The following PSG3 variants were observed in gnomAD, a reference collection of about 807,000 sequenced individuals.
The protein encoded by PSG3 is pregnancy specific beta-1-glycoprotein 3.
Under a neutral mutation model 47.5 loss-of-function variants are expected in PSG3, and 61 were observed. The observed-to-expected ratio is 1.28, with a 90% CI of 1.05 to 1.59. The LOEUF (loss-of-function observed/expected upper bound fraction) is 1.59, where lower values mean the gene tolerates loss of function less well. PSG3 is among the 40% of genes most tolerant of loss of function. The pLI, the probability that PSG3 is intolerant of heterozygous loss-of-function variation, is 0.00. For missense variants in PSG3, 756 were observed against 524.0 expected (o/e 1.44, Z -4.32); for synonymous variants, 263 against 198.4 (o/e 1.33, Z -2.74).
chr19:42,739,171 C>G (rs1438754481), intron 1 of PSG3, 82 bp from the exon 2 acceptor site: 1 of 1,470,890 alleles, frequency 6.8e-7, no homozygotes, highest in Non-Finnish European at 9.2e-7. Context: ...CTGAGAAGGT[C>G]TCTTCAATCC....
At chr19:42,728,601 A>T (rs1463711016) in intron 5 of PSG3, among the ~76,000 whole-genome samples, 4 of 152,218 alleles carry the variant, frequency 2.6e-5, no homozygotes, top group African/African-American at 9.6e-5. Flanking sequence ...GGTCCCACCC[A>T]GGTGGAGTCA....
rs779492458 is a variant in PSG3 at position 42,729,205 on chromosome 19, C to A, written c.1161G>T (p.Lys387Asn). ...QKLFIPQITT[K>N]HSGLYACSVR... ...CAGAGCAAGCATAGAGCCCGCTATG[C>A]TTTGTAGTAATCTGGGGGATAAAGA... The change falls in exon 5 of 7, where the codon AAG (lysine) becomes AAT (asparagine). Residue 387 changes from lysine (K) to asparagine (N), a missense_variant. Transcript: ENST00000327495. 6.2e-6 allele frequency: 10 copies of A among 1,613,862 alleles called. No individual in the cohort carries two copies. Among genetic ancestry groups the A allele is most frequent in the South Asian group, 1.1e-5 (1 of 91,086 alleles).
intron 2 of PSG3, among the ~76,000 whole-genome samples, chr19:42,735,920 C>T (rs977023870): frequency 2.8e-4 from 42 of 152,296 alleles, no homozygotes; most frequent in East Asian, 5.8e-4. Context: ...GCTAAGATTA[C>T]AACAGTGACA....
rs868841229 is a variant in PSG3, at chr19:42,733,122, T to C, written c.431-60A>G. 1.3e-5 allele frequency: 21 copies of C among 1,569,222 alleles called. No individual in the cohort carries two copies. In the African/African-American group the frequency reaches 1.6e-4, roughly 12 times the overall value. On this transcript the variant is annotated intron_variant, in intron 2 of 6. Transcript: ENST00000327495. ...GGCACCTTTGATTCCTCCAAAGGCA[T>C]TTTTCAATCAGAGTTGGCATTTCCC... is the stretch of plus-strand genomic sequence containing the variant.
chr19:42,737,243 G>A (rs1410490423), intron 2 of PSG3, among the ~76,000 whole-genome samples: 3 of 152,186 alleles, frequency 2.0e-5, no homozygotes, highest in Non-Finnish European at 4.4e-5. Flanking sequence ...GTGGGTGTCA[G>A]CCTCTGAAGG....
At chr19:42,737,251 A>C (rs535744135) in intron 2 of PSG3, among the ~76,000 whole-genome samples, 1 of 152,318 alleles carries the variant, frequency 6.6e-6, no homozygotes, top group South Asian at 2.1e-4. Flanking sequence ...CAGCCTCTGA[A>C]GGACAAGGGA....
At chr19:42,724,459 C>T (rs1969343779) in intron 5 of PSG3, among the ~76,000 whole-genome samples, 1 of 152,180 alleles carries the variant, frequency 6.6e-6, no homozygotes, top group Admixed American at 6.5e-5. Flanking sequence ...TCACCACCTC[C>T]TTTGCACAGA....
At chr19:42,736,499 G>C (rs1249971173) in intron 2 of PSG3, among the ~76,000 whole-genome samples, 6 of 152,110 alleles carry the variant, frequency 3.9e-5, no homozygotes, top group Non-Finnish European at 4.4e-5. Context: ...AAATCTCTAA[G>C]CCCTGATCCA....
intron 2 of PSG3, 182 bp from the exon 3 acceptor site, chr19:42,733,244 G>T (rs1261526331): frequency 2.3e-6 from 3 of 1,314,578 alleles, no homozygotes; most frequent in Non-Finnish European, 2.1e-6. Context: ...TTGTGAGGCT[G>T]CCTGCTTCGT....
intron 5 of PSG3, among the ~76,000 whole-genome samples, chr19:42,728,591 G>T (rs187109838): frequency 6.6e-6 from 1 of 152,198 alleles, no homozygotes; most frequent in Admixed American, 6.5e-5. Context: ...CACAGATGCT[G>T]GTCCCACCCA....
intron 6 of PSG3, among the ~76,000 whole-genome samples, chr19:42,723,577 A>C (rs972413108): frequency 6.6e-6 from 1 of 152,242 alleles, no homozygotes; most frequent in Non-Finnish European, 1.5e-5. Flanking sequence ...CAAAGTCTGG[A>C]GACAAGAAGT....
At chr19:42,725,555 C>A (rs530794343) in intron 5 of PSG3, among the ~76,000 whole-genome samples, 21 of 152,004 alleles carry the variant, frequency 1.4e-4, no homozygotes, top group South Asian at 8.3e-4. Flanking sequence ...GTTTAAAATT[C>A]CTAAAATCAG....
chr19:42,729,705 G>C (rs58620300), intron 4 of PSG3, 73 bp downstream of exon 4: 112,755 of 1,574,136 alleles, frequency 0.072, 4,468 homozygotes, highest in Admixed American at 0.13. Flanking sequence ...CAGAGAGAGA[G>C]TGAGAGGCCT....
In PSG3 at chr19:42,729,291, T is replaced by C. The variant is rs146535064; in HGVS notation, c.1075A>G (p.Asn359Asp). The C allele has an allele frequency of 4.3e-6, 7 of 1,614,020 alleles. No homozygotes were observed. Among genetic ancestry groups the C allele is most frequent in the Admixed American group, 1.7e-5 (1 of 60,010 alleles). The part of the protein sequence containing the change: ...NLYLSCFADS[N>D]PPAEYSWTIN... The stretch of plus-strand genomic sequence containing the variant: ...GTCCAAGAATATTCTGCTGGTGGGT[T>C]AGAGTCCGCGAAGCAGGACAAGTAG... The change falls in exon 5 of 7, where the codon AAC becomes GAC. Residue 359 changes from asparagine (N) to aspartate (D), a missense_variant. Asn to Asp is a conservative substitution (Grantham distance 23). Transcript: ENST00000327495.
intron 2 of PSG3, among the ~76,000 whole-genome samples, chr19:42,737,926 G>A (rs534085618): frequency 2.0e-5 from 3 of 152,218 alleles, no homozygotes. Context: ...GCACAGTGGA[G>A]GTTTCACACA....
Position 42,723,938 on chromosome 19 carries a change from A to C in PSG3, c.*40+4T>G, listed in dbSNP as rs1331877168. The C allele has an allele frequency of 6.4e-7, 1 of 1,569,536 alleles. No individual in the cohort carries two copies. On this transcript the variant is annotated splice_donor_region_variant and intron_variant, in intron 6 of 6. Coordinates refer to ENST00000327495, the MANE Select transcript of PSG3 (RefSeq NM_021016.4). ...AACCAGGATAAGAGGAAAGGTCATC[A>C]TACCTGCCAGTCTTCCTGAAATACA...
At chr19:42,734,413 G>A (rs891934968) in intron 2 of PSG3, among the ~76,000 whole-genome samples, 1 of 152,128 alleles carries the variant, frequency 6.6e-6, no homozygotes, top group African/African-American at 2.4e-5. Context: ...TCAGATTGTG[G>A]ATTTCTGGAT....
chr19:42,738,693 C>T (rs2122200320), intron 2 of PSG3, 31 bp downstream of exon 2: 1 of 1,612,490 alleles, frequency 6.2e-7, no homozygotes, highest in East Asian at 2.2e-5. Flanking sequence ...CCCCATCCCC[C>T]AACACCCAGT....
chr19:42,731,427 C>G (rs1969471745), intron 3 of PSG3, among the ~76,000 whole-genome samples: 1 of 151,694 alleles, frequency 6.6e-6, no homozygotes, highest in Admixed American at 6.6e-5. Context: ...TTTTTTTTCT[C>G]TCACCACTTT....
Sources: allele counts gnomAD v4.1 joint callset (sites outside exome capture counted in the v4.1 genomes callset), GRCh38; gene constraint gnomAD v4.1.1; transcripts MANE v1.5; gene names NCBI Gene and HGNC (gene_info 2026-07-23, HGNC 2026-07-21).